The following TTC39B variants were observed in gnomAD, a reference collection of about 807,000 sequenced individuals.
The protein encoded by TTC39B is tetratricopeptide repeat domain 39B.
A neutral mutation model predicts 96.6 loss-of-function variants in TTC39B; 92 were observed. The ratio of observed to expected loss-of-function variants is 0.95; its 90% CI spans 0.80 to 1.13. TTC39B has a LOEUF of 1.13. Ranked by LOEUF, TTC39B falls within the 50% of genes most tolerant of loss-of-function variation. The pLI is 0.00. For synonymous variants in TTC39B, 367 were observed against 299.4 expected, an observed-to-expected ratio of 1.23 and a Z score of -2.33; for missense variants, 955 against 809.3, an observed-to-expected ratio of 1.18 and a Z score of -2.18.
chr9:15,275,066 A>T (rs1823489524), intron 1 of TTC39B, among the ~76,000 whole-genome samples: 1 of 148,118 alleles, frequency 6.8e-6, no homozygotes, highest in South Asian at 2.1e-4. Context: ...CCTGAGATGG[A>T]GTTTCACTCT....
Position 15,211,227 on chromosome 9 carries a change from T to G in TTC39B, c.614+39A>C, listed in dbSNP as rs576895570. 7 of 1,412,954 alleles carry G rather than the reference T, an allele frequency of 5.0e-6. No individual in the cohort carries two copies. The South Asian group carries it at 8.5e-5, about 17-fold the overall frequency. 87.5% of individuals were successfully genotyped at this position (1,412,954 alleles called of 1,614,324 possible). A position where few individuals can be genotyped will look rare whatever the true frequency, so the allele number is the denominator to read the frequency against. ...TATTTTTGTCACACAGGCATAAAAG[T>G]TTGCAGTCACATCTTAAGTATTTAA... On this transcript the variant is annotated intron_variant, in intron 5 of 19. Coordinates refer to ENST00000512701, the Ensembl canonical transcript of TTC39B.
intron 16 of TTC39B, chr9:15,183,271 T>G (rs1008575055): frequency 7.7e-6 from 3 of 389,510 alleles, no homozygotes; most frequent in Non-Finnish European, 9.9e-6. Context: ...ATCATGACAC[T>G]CTACCTTCAA....
intron 9 of TTC39B, among the ~76,000 whole-genome samples, 160 bp downstream of exon 9, chr9:15,192,430 A>T (rs1028594300): frequency 6.6e-6 from 1 of 152,214 alleles, no homozygotes; most frequent in South Asian, 2.1e-4. Context: ...GGAACTTTAT[A>T]ACACACTGGG....
chr9:15,205,347 T>C (rs1223965349), intron 6 of TTC39B, among the ~76,000 whole-genome samples: 1 of 152,212 alleles, frequency 6.6e-6, no homozygotes, highest in African/African-American at 2.4e-5. Flanking sequence ...TAAATAGACT[T>C]AGATGACAAC....
chr9:15,301,798 T>C (rs1207154286), intron 1 of TTC39B, among the ~76,000 whole-genome samples: 2 of 150,996 alleles, frequency 1.3e-5, no homozygotes, highest in African/African-American at 2.4e-5. Flanking sequence ...ATTGTGGTAA[T>C]GAATTTTATC....
In TTC39B at chr9:15,306,469, C is replaced by A. The variant is rs1001214102; in HGVS notation, c.240+615G>T. Among the ~76,000 whole-genome samples, 1 of 152,186 alleles carries A rather than the reference C, an allele frequency of 6.6e-6. No homozygotes were observed. The highest frequency in any genetic ancestry group is 2.4e-5 in the African/African-American group (1 of 41,440). On this transcript the variant is annotated intron_variant, in intron 1 of 19. Coordinates refer to ENST00000512701, the Ensembl canonical transcript of TTC39B. The surrounding 1 kb of genome is among the most constrained non-coding windows in gnomAD (Gnocchi z 5.1). ...GGACCTGCTAGGGGAAGTGTCCCGG[C>A]CCCGTGGAGGGAGAGGGAAGCACCA...
chr9:15,247,107 A>G (rs1456713539), intron 2 of TTC39B, among the ~76,000 whole-genome samples: 1 of 152,244 alleles, frequency 6.6e-6, no homozygotes, highest in East Asian at 1.9e-4. Flanking sequence ...TCAAATTCAA[A>G]GAGATCAGAA....
In TTC39B at chr9:15,201,632, T is replaced by C. The variant is rs371363830; in HGVS notation, c.760-1707A>G. Among the ~76,000 whole-genome samples, 76 of 152,304 alleles carry C rather than the reference T, an allele frequency of 5.0e-4. 1 individual carries two copies. In the South Asian group the frequency reaches 0.014, roughly 28 times the overall value. On this transcript the variant is annotated intron_variant, in intron 7 of 19. Transcript: ENST00000512701. Reference sequence around the variant, plus strand: ...TGATGGGTTTGGCCATGTGTGCATATGTAATTCCACACTGCTGAAGAATCT... The same window carrying C: ...TGATGGGTTTGGCCATGTGTGCATACGTAATTCCACACTGCTGAAGAATCT...
At chr9:15,189,322 T>C (rs1209293509) in intron 13 of TTC39B, among the ~76,000 whole-genome samples, 1 of 152,212 alleles carries the variant, frequency 6.6e-6, no homozygotes, top group African/African-American at 2.4e-5. Context: ...ATTTGGTATA[T>C]ATTACCCTAA....
intron 3 of TTC39B, among the ~76,000 whole-genome samples, chr9:15,217,542 G>A (rs1216041696): frequency 1.3e-5 from 2 of 152,126 alleles, no homozygotes; most frequent in Non-Finnish European, 2.9e-5. Context: ...GGTTCTGTAA[G>A]GAATGACCAG....
chr9:15,249,711 G>C (rs996167139), intron 2 of TTC39B: 7 of 226,594 alleles, frequency 3.1e-5, no homozygotes, highest in South Asian at 2.8e-4. Flanking sequence ...AAAAAGGTTG[G>C]GGGGAGGGTC....
intron 5 of TTC39B, 108 bp downstream of exon 5, chr9:15,211,158 G>T: frequency 7.9e-7 from 1 of 1,263,490 alleles, no homozygotes. Context: ...TTCTGTAACT[G>T]TGGCCAATTT....
intron 2 of TTC39B, among the ~76,000 whole-genome samples, chr9:15,260,086 G>A (rs1030953931): frequency 6.6e-6 from 1 of 151,924 alleles, no homozygotes; most frequent in East Asian, 1.9e-4. Context: ...ATATATATGA[G>A]ATATAAATTA....
At chr9:15,259,238 G>C (rs1822861517) in intron 2 of TTC39B, among the ~76,000 whole-genome samples, 1 of 152,160 alleles carries the variant, frequency 6.6e-6, no homozygotes. Flanking sequence ...CTAAATCAAA[G>C]TTATGTTCTT....
intron 4 of TTC39B, among the ~76,000 whole-genome samples, chr9:15,213,769 T>C (rs1379639495): frequency 6.6e-6 from 1 of 152,206 alleles, no homozygotes; most frequent in Non-Finnish European, 1.5e-5. Context: ...AGCATTGAGA[T>C]CAGCATATTC....
At chr9:15,304,420 A>G (rs1208991168) in intron 1 of TTC39B, among the ~76,000 whole-genome samples, 1 of 152,186 alleles carries the variant, frequency 6.6e-6, no homozygotes, top group Non-Finnish European at 1.5e-5. Context: ...CTCCCCAATA[A>G]CCAATTTTTG....
At chr9:15,180,266 T>C (rs1050221245) in intron 17 of TTC39B, among the ~76,000 whole-genome samples, 15 of 152,148 alleles carry the variant, frequency 9.9e-5, no homozygotes, top group African/African-American at 3.4e-4. Flanking sequence ...AAGTAAAAAG[T>C]CATAAAGTCA....
chr9:15,194,952 C>T (rs1564332088), intron 8 of TTC39B, among the ~76,000 whole-genome samples: 1 of 152,216 alleles, frequency 6.6e-6, no homozygotes, highest in Non-Finnish European at 1.5e-5. Context: ...ACAGTGGCCT[C>T]TCAGTGTTCA....
At chr9:15,180,131 C>A (rs1265739473) in intron 17 of TTC39B, among the ~76,000 whole-genome samples, 1 of 152,178 alleles carries the variant, frequency 6.6e-6, no homozygotes, top group African/African-American at 2.4e-5. Context: ...ATCCGCTGAA[C>A]TTTTATGGTG....
Sources: gnomAD v4.1 joint callset for allele counts (sites outside exome capture counted in the v4.1 genomes callset) on GRCh38, gnomAD v4.1.1 for gene constraint, Gnocchi (gnomAD v3.1) non-coding constraint, MANE v1.5 for transcripts, NCBI Gene and HGNC (gene_info 2026-07-23, HGNC 2026-07-21) for gene names.